SYNE1: variants seen among roughly 807,000 people sequenced by gnomAD.
SYNE1 encodes the protein nesprin-1.
SYNE1 carries 616 observed loss-of-function variants against 1,111.0 expected under a neutral mutation model. That is an observed-to-expected ratio of 0.55 (90% CI 0.52 to 0.59). The LOEUF is 0.59. Ranked by LOEUF, SYNE1 falls within the 20% of genes least tolerant of loss-of-function variation. The pLI, the probability that SYNE1 is intolerant of heterozygous loss-of-function variation, is 0.00. For synonymous variants in SYNE1, 3,855 were observed against 3,825.8 expected, an observed-to-expected ratio of 1.01 and a Z score of -0.28; for missense variants, 10,006 against 10,417.0, an observed-to-expected ratio of 0.96 and a Z score of 1.72.
intron 70 of SYNE1, 55 bp from the exon 71 acceptor site, chr6:152,350,825 T>C: frequency 1.2e-6 from 2 of 1,601,058 alleles, no homozygotes; most frequent in Non-Finnish European, 8.6e-7. Flanking sequence ...ACAAGATGAA[T>C]ACATACATAT....
chr6:152,599,474 G>A (rs1036931625), intron 3 of SYNE1, among the ~76,000 whole-genome samples: 5 of 152,114 alleles, frequency 3.3e-5, no homozygotes, highest in Non-Finnish European at 5.9e-5. Flanking sequence ...AAGGAATAAC[G>A]ACAAAAGAAC....
intron 3 of SYNE1, among the ~76,000 whole-genome samples, chr6:152,556,680 T>C (rs1489391481): frequency 6.6e-6 from 1 of 152,186 alleles, no homozygotes. Context: ...TAAGCTAAGA[T>C]GATGAGAGGA....
At chr6:152,590,365 A>T (rs186234428) in intron 3 of SYNE1, among the ~76,000 whole-genome samples, 3,294 of 149,938 alleles carry the variant, frequency 0.022, 124 homozygotes, top group African/African-American at 0.076. Flanking sequence ...GAGAAAATCC[A>T]TTTTTTTTTC....
At chr6:152,245,327 G>A (rs551813703) in intron 105 of SYNE1, among the ~76,000 whole-genome samples, 3 of 152,268 alleles carry the variant, frequency 2.0e-5, no homozygotes, top group Admixed American at 6.5e-5. Context: ...TACTATACTC[G>A]ATAATGCAAC....
chr6:152,460,729 AG>A (rs1413346822), intron 21 of SYNE1, among the ~76,000 whole-genome samples: 1 of 151,620 alleles, frequency 6.6e-6, no homozygotes, highest in African/African-American at 2.4e-5. Context: ...TGAATAGACT[AG>A]AAAATGCTTA....
At chr6:152,591,882 AAAG>A in intron 3 of SYNE1, among the ~76,000 whole-genome samples, 1 of 152,226 alleles carries the variant, frequency 6.6e-6, no homozygotes, top group East Asian at 1.9e-4. Context: ...ACACTTCTCT[AAAG>A]AAGATGCACA....
At chr6:152,452,302 GGT>G (rs138437661) in intron 25 of SYNE1, among the ~76,000 whole-genome samples, 15 of 150,882 alleles carry the variant, frequency 9.9e-5, no homozygotes, top group East Asian at 5.8e-4. Flanking sequence ...AAATCCTAGA[GGT>G]GTGTGTGTGT....
chr6:152,387,442 A>G (rs2097540929), intron 53 of SYNE1, 61 bp from the exon 54 acceptor site: 2 of 1,555,354 alleles, frequency 1.3e-6, no homozygotes, highest in Non-Finnish European at 1.8e-6. Context: ...CTGAAAACCA[A>G]TCACAAAGTC....
intron 95 of SYNE1, among the ~76,000 whole-genome samples, chr6:152,292,215 G>A (rs1421394515): frequency 6.6e-6 from 1 of 152,266 alleles, no homozygotes; most frequent in African/African-American, 2.4e-5. Context: ...GCAGTCTAGT[G>A]ATAAAATGGG....
chr6:152,277,706 G>T, intron 98 of SYNE1: 1 of 237,416 alleles, frequency 4.2e-6, no homozygotes, highest in Non-Finnish European at 8.4e-6. Context: ...AAGAAAAAAA[G>T]AGATAAAATT....
Position 152,136,792 on chromosome 6 carries a change from G to A in SYNE1, c.25485C>T (p.Arg8495=), listed in dbSNP as rs746728361. The A allele has an allele frequency of 5.0e-6, 8 of 1,614,228 alleles. No individual in the cohort carries two copies. In the East Asian group the frequency reaches 1.1e-4, roughly 22 times the overall value. The change falls in exon 141 of 146, where the codon CGC becomes CGT. Residue 8495 remains arginine, a synonymous_variant. Transcript: ENST00000367255. Reference sequence around the variant, plus strand: ...GATTGATGGAGAGGATGATGGCTTTGCGGTGGTCCACAGCTTTCTGGAGCT... The same window carrying A: ...GATTGATGGAGAGGATGATGGCTTTACGGTGGTCCACAGCTTTCTGGAGCT... ...LKELQKAVDH[R]KAIILSINLC... is the part of the protein sequence containing the mutation.
chr6:152,203,868 T>C (rs1464115568), intron 126 of SYNE1, among the ~76,000 whole-genome samples: 1 of 152,274 alleles, frequency 6.6e-6, no homozygotes, highest in Admixed American at 6.5e-5. Context: ...AAAAAAATTG[T>C]CTATCAGGGA....
chr6:152,367,753 T>C lies in SYNE1; in HGVS notation c.9808-371A>G, dbSNP rs1404010916. ...ACAACAACCCACATGACCTACATTG[T>C]AGCCAGAGTTCTAAAAAAAAAATAA... On this transcript the variant is annotated intron_variant, in intron 61 of 145. Transcript: ENST00000367255. 2.0e-5 allele frequency: 5 copies of C among 250,340 alleles called. No individual in the cohort carries two copies. The East Asian group carries it at 3.8e-4, about 19-fold the overall frequency. The allele number at this position is 250,340 out of a possible 1,614,324, so 15.5% of individuals were successfully genotyped here. A position where few individuals can be genotyped will look rare whatever the true frequency, so the allele number is the denominator to read the frequency against.
intron 76 of SYNE1, 139 bp from the exon 77 acceptor site, chr6:152,334,412 T>C (rs1483672298): frequency 6.1e-6 from 6 of 983,256 alleles, no homozygotes; most frequent in African/African-American, 1.7e-5. Context: ...TAATAAGTTA[T>C]GGGAAACAAA....
chr6:152,563,824 T>C (rs2099402633), intron 3 of SYNE1, among the ~76,000 whole-genome samples: 1 of 152,198 alleles, frequency 6.6e-6, no homozygotes, highest in Non-Finnish European at 1.5e-5. Context: ...TTATTTCTGA[T>C]TTGTTCTTTG....
Position 152,442,146 on chromosome 6 carries a change from C to A in SYNE1, c.3937G>T (p.Glu1313Ter), listed in dbSNP as rs781736669. ...EGGLPDRGHE[E>*]LRKLESTLDG... ...AGTGTGCTCTCCAGCTTCCGCAGCT[C>A]CTCGTGGCCTCGGTCAGGCAGCCCC... The change falls in exon 31 of 146, where the codon GAG becomes TAG. Residue 1313 changes from glutamate (E) to a stop codon, truncating the protein, a stop_gained. Coordinates refer to ENST00000367255, the MANE Select transcript of SYNE1 (RefSeq NM_182961.4). LOFTEE classifies it high-confidence loss of function. 5.0e-6 allele frequency: 8 copies of A among 1,612,114 alleles called. No homozygotes were observed. The highest frequency in any genetic ancestry group is 1.1e-5 in the South Asian group (1 of 90,854).
intron 104 of SYNE1, among the ~76,000 whole-genome samples, chr6:152,251,847 G>T (rs1304349616): frequency 6.6e-6 from 1 of 151,984 alleles, no homozygotes; most frequent in Non-Finnish European, 1.5e-5. Context: ...GATAATTAAG[G>T]TATCCATATA....
chr6:152,510,022 T>G (rs1271383660), intron 8 of SYNE1, among the ~76,000 whole-genome samples, 171 bp downstream of exon 8: 1 of 152,224 alleles, frequency 6.6e-6, no homozygotes, highest in Non-Finnish European at 1.5e-5. Context: ...CCTAGAGTAT[T>G]AGTGGTGATT....
intron 3 of SYNE1, among the ~76,000 whole-genome samples, chr6:152,577,468 T>C (rs1024084302): frequency 5.9e-5 from 9 of 152,038 alleles, no homozygotes; most frequent in African/African-American, 1.9e-4. Flanking sequence ...CCGTCTCTAC[T>C]AAAAACACAA....
Sources: gnomAD v4.1 joint callset for allele counts (sites outside exome capture counted in the v4.1 genomes callset) on GRCh38, gnomAD v4.1.1 for gene constraint, MANE v1.5 for transcripts, NCBI Gene and HGNC (gene_info 2026-07-23, HGNC 2026-07-21) for gene names.